Variants in SH3RF1 observed in about 807,000 individuals in gnomAD.
SH3RF1 encodes E3 ubiquitin-protein ligase SH3RF1.
Under a neutral mutation model 74.0 loss-of-function variants are expected in SH3RF1, and 32 were observed. The ratio of observed to expected loss-of-function variants is 0.43; its 90% confidence interval spans 0.33 to 0.58. SH3RF1 has a LOEUF of 0.58. Ranked by LOEUF, SH3RF1 falls within the 20% of genes least tolerant of loss-of-function variation. The pLI is 0.05. For missense variants in SH3RF1, 954 were observed against 1,130.9 expected (o/e 0.84, Z 2.24); for synonymous variants, 396 against 439.6 (o/e 0.90, Z 1.24).
At chr4:169,255,545 C>G (rs1156454039) in intron 2 of SH3RF1, among the ~76,000 whole-genome samples, 2 of 148,852 alleles carry the variant, frequency 1.3e-5, no homozygotes, top group Non-Finnish European at 3.0e-5. Flanking sequence ...GAAGGGTAAG[C>G]AAAAATCAGT....
At chr4:169,237,584 TG>T (rs1268109501) in intron 2 of SH3RF1, among the ~76,000 whole-genome samples, 2 of 152,154 alleles carry the variant, frequency 1.3e-5, no homozygotes, top group African/African-American at 4.8e-5. Flanking sequence ...AATATGAATT[TG>T]GGAATTATAT....
In SH3RF1 at chr4:169,131,980, G is replaced by A. The variant is rs1733627689; in HGVS notation, c.1069-1824C>T. On this transcript the variant is annotated intron_variant, in intron 5 of 11. Transcript: ENST00000284637. ...GTGTCCAATGGGAAACCTCTAGAGG[G>A]TATTTGGGCCTGAGAAGACTCGGTA... is the stretch of plus-strand genomic sequence containing the variant. Among the ~76,000 whole-genome samples the A allele has an allele frequency of 2.6e-5, 4 of 152,224 alleles. No homozygotes were observed. The South Asian group carries it at 8.3e-4, about 31-fold the overall frequency.
intron 4 of SH3RF1, among the ~76,000 whole-genome samples, chr4:169,145,482 G>C (rs1733859681): frequency 6.7e-6 from 1 of 150,202 alleles, no homozygotes; most frequent in Non-Finnish European, 1.5e-5. Flanking sequence ...TGAGTGATAG[G>C]TACATTAAAA....
chr4:169,225,692 G>A (rs1561057918), intron 2 of SH3RF1, among the ~76,000 whole-genome samples: 1 of 152,196 alleles, frequency 6.6e-6, no homozygotes, highest in Non-Finnish European at 1.5e-5. Flanking sequence ...ATTTTTCAAG[G>A]ATTGGTTATA....
At chr4:169,211,296 C>T (rs1410094918) in intron 2 of SH3RF1, among the ~76,000 whole-genome samples, 3 of 151,962 alleles carry the variant, frequency 2.0e-5, no homozygotes, top group African/African-American at 7.3e-5. Context: ...TCCTGGCTAA[C>T]ACAGTGAAAC....
At chr4:169,192,162 T>C (rs534546173) in intron 2 of SH3RF1, among the ~76,000 whole-genome samples, 72 of 152,246 alleles carry the variant, frequency 4.7e-4, no homozygotes, top group African/African-American at 1.7e-3. Context: ...AAAGGACTAA[T>C]ATCCAGAATC....
chr4:169,226,516 C>G (rs1431221542), intron 2 of SH3RF1, among the ~76,000 whole-genome samples: 2 of 151,298 alleles, frequency 1.3e-5, no homozygotes, highest in East Asian at 1.9e-4. Context: ...CAAGAAAGAT[C>G]AGAATACATA....
intron 10 of SH3RF1, among the ~76,000 whole-genome samples, chr4:169,110,116 T>C (rs968715528): frequency 6.6e-6 from 1 of 151,364 alleles, no homozygotes. Context: ...GGCTTACACC[T>C]GTAATCCCAG....
At position 169,227,017 on chromosome 4, in the gene SH3RF1, C is replaced by T. The variant is rs145232877; in HGVS notation, c.393+41803G>A. Among the ~76,000 whole-genome samples the T allele has an allele frequency of 2.6e-4, 39 of 151,964 alleles. No homozygotes were observed. In the East Asian group the frequency reaches 6.0e-3, roughly 23 times the overall value. ...CCCCATCTCTATAAAAAGTGAAAAA[C>T]TAGCCAGGCGTCGGGGCACAAATCT... On this transcript the variant is annotated intron_variant, in intron 2 of 11. Coordinates refer to ENST00000284637, the MANE Select transcript of SH3RF1 (RefSeq NM_020870.4).
At chr4:169,216,569 G>C (rs1730467372) in intron 2 of SH3RF1, among the ~76,000 whole-genome samples, 1 of 152,128 alleles carries the variant, frequency 6.6e-6, no homozygotes, top group African/African-American at 2.4e-5. Flanking sequence ...CGCCAGGAAT[G>C]GTTGCTCACC....
intron 2 of SH3RF1, among the ~76,000 whole-genome samples, chr4:169,169,843 G>A (rs1212203211): frequency 8.5e-5 from 13 of 152,122 alleles, no homozygotes; most frequent in South Asian, 8.3e-4. Context: ...TCCTCCTGTC[G>A]TAGCCTCCTG....
chr4:169,116,754 AAGATGGGATGGACG>A, intron 9 of SH3RF1, 124 bp from the exon 10 acceptor site: 1 of 1,269,334 alleles, frequency 7.9e-7, no homozygotes, highest in Non-Finnish European at 1.0e-6. Context: ...TATTACAATA[AAGATGGGATGGACG>A]GTGGCCTAAA....
At chr4:169,232,098 T>C (rs556646869) in intron 2 of SH3RF1, among the ~76,000 whole-genome samples, 23 of 152,324 alleles carry the variant, frequency 1.5e-4, no homozygotes, top group African/African-American at 5.3e-4. Context: ...ATACAGGAAC[T>C]GGCTTAGAGC....
chr4:169,097,242 G>C (rs1327743350), intron 11 of SH3RF1, among the ~76,000 whole-genome samples: 7 of 152,144 alleles, frequency 4.6e-5, no homozygotes, highest in African/African-American at 1.7e-4. Context: ...GTTTGACATG[G>C]GCGAGGCAGC....
At chr4:169,190,965 C>G (rs1383732729) in intron 2 of SH3RF1, among the ~76,000 whole-genome samples, 1 of 152,058 alleles carries the variant, frequency 6.6e-6, no homozygotes, top group Non-Finnish European at 1.5e-5. Context: ...GAATTAAAAA[C>G]AAAAATCACA....
intron 2 of SH3RF1, among the ~76,000 whole-genome samples, chr4:169,233,847 TA>T (rs1308957661): frequency 6.6e-6 from 1 of 152,182 alleles, no homozygotes; most frequent in East Asian, 1.9e-4. Context: ...AGCTTTCAGG[TA>T]AGTCTGAGGG....
chr4:169,217,230 G>A (rs940322728), intron 2 of SH3RF1: 12 of 151,868 alleles, frequency 7.9e-5, no homozygotes, highest in African/African-American at 2.7e-4. Flanking sequence ...AGTCAGACAA[G>A]GCTTGGTTCA....
At chr4:169,269,682 T>C (rs75333871) in intron 1 of SH3RF1, 1,609 of 153,356 alleles carry the variant, frequency 0.01, 29 homozygotes, top group African/African-American at 0.037. Context: ...ACAGAGGCCA[T>C]TGAAAGTTTC....
At chr4:169,198,640 C>T (rs193072249) in intron 2 of SH3RF1, among the ~76,000 whole-genome samples, 6 of 152,048 alleles carry the variant, frequency 3.9e-5, no homozygotes, top group Admixed American at 2.0e-4. Context: ...AATCTTTACA[C>T]ATGTATACAT....
Sources: allele counts gnomAD v4.1 joint callset (sites outside exome capture counted in the v4.1 genomes callset), GRCh38; gene constraint gnomAD v4.1.1; transcripts MANE v1.5; gene names NCBI Gene and HGNC (gene_info 2026-07-23, HGNC 2026-07-21).